The following MAGI3 variants were observed in gnomAD, a reference collection of about 807,000 sequenced individuals.
MAGI3 encodes the protein membrane associated guanylate kinase, WW and PDZ domain containing 3.
In MAGI3, 43 loss-of-function variants were observed where a neutral mutation model predicts 121.8. The ratio of observed to expected loss-of-function variants is 0.35; its 90% CI spans 0.28 to 0.46. The LOEUF is 0.46. Among genes scored for constraint, MAGI3 ranks in the 20% least tolerant of loss-of-function variants. The probability of loss-of-function intolerance (pLI) is 1.00; values close to 1 mark genes in which losing one functional copy is unlikely to be tolerated. For missense variants in MAGI3, 1,547 were observed against 1,797.3 expected (o/e 0.86, Z 2.52); for synonymous variants, 553 against 639.3 (o/e 0.86, Z 2.04).
Position 113,681,005 on chromosome 1 carries a change from A to C in MAGI3, c.3190-193A>C, listed in dbSNP as rs527954023. Among the ~76,000 whole-genome samples, 3 of 152,256 alleles carry C rather than the reference A, an allele frequency of 2.0e-5. No individual in the cohort carries two copies. In the South Asian group the frequency reaches 6.2e-4, roughly 32 times the overall value. On this transcript the variant is annotated intron_variant, in intron 19 of 20. Transcript: ENST00000307546. ...TGTAGGATTTTTGTGAGTAAACCTG[A>C]ACATTGCCACTTCCTGTTGTTTGTT...
At chr1:113,534,011 A>C (rs1209529682) in intron 1 of MAGI3, among the ~76,000 whole-genome samples, 1 of 152,022 alleles carries the variant, frequency 6.6e-6, no homozygotes, top group Non-Finnish European at 1.5e-5. Context: ...TATAATTTGA[A>C]GTTTGAATCA....
chr1:113,416,338 C>A (rs757621529), intron 1 of MAGI3, among the ~76,000 whole-genome samples: 13 of 53,882 alleles, frequency 2.4e-4, no homozygotes, highest in African/African-American at 1.0e-3. Context: ...ATATATCAAT[C>A]ATATATTAAT....
chr1:113,627,103 ATC>A (rs1651292390), intron 9 of MAGI3, among the ~76,000 whole-genome samples: 1 of 151,992 alleles, frequency 6.6e-6, no homozygotes, highest in Non-Finnish European at 1.5e-5. Flanking sequence ...CTTTTGCTGT[ATC>A]CCATAGGTTT....
intron 1 of MAGI3, among the ~76,000 whole-genome samples, chr1:113,433,067 G>A (rs1653386361): frequency 6.6e-6 from 1 of 152,086 alleles, no homozygotes; most frequent in Admixed American, 6.6e-5. Context: ...GATCCTGGTG[G>A]TCATAGAATG....
chr1:113,669,013 G>A (rs1278725773), intron 16 of MAGI3, among the ~76,000 whole-genome samples: 1 of 152,172 alleles, frequency 6.6e-6, no homozygotes, highest in Non-Finnish European at 1.5e-5. Context: ...CTGCTCTGAT[G>A]TTATACACTC....
chr1:113,653,816 C>T lies in MAGI3; in HGVS notation c.2441-14C>T. The stretch of plus-strand genomic sequence containing the variant: ...ATGTTCCAGACATATCAAAACTGAT[C>T]ATGTTTATTACAGAAAAACAACCCG... On this transcript the variant is annotated splice_polypyrimidine_tract_variant and intron_variant, in intron 14 of 20. Transcript: ENST00000307546. 1 of 1,577,928 alleles carries T rather than the reference C, an allele frequency of 6.3e-7. No homozygotes were observed. Among genetic ancestry groups the T allele is most frequent in the Non-Finnish European group, 8.6e-7 (1 of 1,164,654 alleles).
intron 2 of MAGI3, among the ~76,000 whole-genome samples, chr1:113,579,703 A>C (rs1647885170): frequency 6.6e-6 from 1 of 152,152 alleles, no homozygotes; most frequent in Non-Finnish European, 1.5e-5. Context: ...GATTATGGGA[A>C]TGAAAAGAAG....
intron 1 of MAGI3, among the ~76,000 whole-genome samples, chr1:113,472,674 G>A (rs1655598854): frequency 6.6e-6 from 1 of 150,558 alleles, no homozygotes; most frequent in South Asian, 2.1e-4. Flanking sequence ...GTGTGTGTGT[G>A]TGTGTATGTG....
chr1:113,444,091 T>C (rs2101466380), intron 1 of MAGI3, among the ~76,000 whole-genome samples: 1 of 152,352 alleles, frequency 6.6e-6, no homozygotes, highest in African/African-American at 2.4e-5. Context: ...TAATTGTGGT[T>C]ATTTTTGGTC....
chr1:113,393,979 C>T (rs1273180180), intron 1 of MAGI3, among the ~76,000 whole-genome samples: 2 of 152,130 alleles, frequency 1.3e-5, no homozygotes, highest in Non-Finnish European at 2.9e-5. Context: ...AGATGTAATA[C>T]TAATCGGAAA....
chr1:113,604,568 A>C (rs1244003953), intron 6 of MAGI3, among the ~76,000 whole-genome samples: 2 of 13,524 alleles, frequency 1.5e-4, no homozygotes, highest in South Asian at 2.9e-3. Context: ...TCCATCTCAA[A>C]AAAAAAAAAA....
intron 1 of MAGI3, among the ~76,000 whole-genome samples, chr1:113,453,307 C>T (rs1243579189): frequency 6.6e-6 from 1 of 152,054 alleles, no homozygotes; most frequent in Admixed American, 6.6e-5. Flanking sequence ...CTCCTGTTTC[C>T]AATTCAAATT....
Position 113,590,668 on chromosome 1 carries a change from T to C in MAGI3, c.938+10T>C, listed in dbSNP as rs762888727. On this transcript the variant is annotated intron_variant, in intron 5 of 20. Transcript: ENST00000307546. ...TGATCTACTTCATTGAGTAAGCAAATGTCTCTATCTCTTCTAATGTGCCCT... is the reference window on the plus strand; with the variant it reads ...TGATCTACTTCATTGAGTAAGCAAACGTCTCTATCTCTTCTAATGTGCCCT... 6.2e-7 allele frequency: 1 copy of C among 1,610,894 alleles called. No individual in the cohort carries two copies. The highest frequency in any genetic ancestry group is 1.7e-5 in the Admixed American group (1 of 59,044).
chr1:113,449,941 G>A (rs1170196278), intron 1 of MAGI3: 7 of 1,523,392 alleles, frequency 4.6e-6, no homozygotes, highest in East Asian at 4.5e-5. Flanking sequence ...GTTGATGGGC[G>A]TGTAGTGGAA....
chr1:113,506,117 TATTA>T (rs998554252), intron 1 of MAGI3, among the ~76,000 whole-genome samples: 4 of 152,172 alleles, frequency 2.6e-5, no homozygotes, highest in Admixed American at 1.3e-4. Context: ...ATGGTGACCC[TATTA>T]ATTAGTAGAA....
chr1:113,529,834 C>A (rs1658623103), intron 1 of MAGI3, among the ~76,000 whole-genome samples: 1 of 150,824 alleles, frequency 6.6e-6, no homozygotes, highest in African/African-American at 2.4e-5. Flanking sequence ...TATAATCATG[C>A]CAATAAAAAT....
chr1:113,677,007 G>T (rs1195214263), intron 19 of MAGI3, among the ~76,000 whole-genome samples: 1 of 152,070 alleles, frequency 6.6e-6, no homozygotes, highest in Admixed American at 6.6e-5. Flanking sequence ...CAGGACTGGG[G>T]ATATATGAAG....
Position 113,685,870 on chromosome 1 carries a change from G to T in MAGI3, c.*1856G>T, listed in dbSNP as rs1648519850. ...ATATATACACTTGAGGTTCTGATTA[G>T]AGAAAGATCTGTAAATTGCTCATTA... On this transcript the variant is annotated 3_prime_UTR_variant, in exon 21 of 21. Coordinates refer to ENST00000307546, the MANE Select transcript of MAGI3 (RefSeq NM_001142782.2). 1 of 152,222 alleles carries T rather than the reference G, an allele frequency of 6.6e-6. No individual in the cohort carries two copies. The highest frequency in any genetic ancestry group is 1.5e-5 in the Non-Finnish European group (1 of 68,014). The allele number at this position is 152,222 out of a possible 1,614,324, so 9.4% of individuals were successfully genotyped here. A position where few individuals can be genotyped will look rare whatever the true frequency, so the allele number is the denominator to read the frequency against.
intron 1 of MAGI3, among the ~76,000 whole-genome samples, chr1:113,491,254 A>T (rs1333345104): frequency 1.3e-5 from 2 of 152,242 alleles, no homozygotes; most frequent in Admixed American, 1.3e-4. Flanking sequence ...TGGCAATTGG[A>T]TAACCTGCTC....
Sources: allele counts gnomAD v4.1 joint callset (sites outside exome capture counted in the v4.1 genomes callset), GRCh38; gene constraint gnomAD v4.1.1; transcripts MANE v1.5; gene names NCBI Gene and HGNC (gene_info 2026-07-23, HGNC 2026-07-21).